The following DCAF7 variants were observed in gnomAD, a reference collection of about 807,000 sequenced individuals.
DCAF7 encodes DDB1 and CUL4 associated factor 7.
Under a neutral mutation model 41.2 loss-of-function variants are expected in DCAF7, and 4 were observed. That is an observed-to-expected ratio of 0.10 (90% CI 0.05 to 0.22). The LOEUF is 0.22. Ranked by LOEUF, DCAF7 falls within the 10% of genes least tolerant of loss-of-function variation. The pLI is 1.00. For synonymous variants in DCAF7, 143 were observed against 164.2 expected (o/e 0.87, Z 0.99); for missense variants, 131 against 443.2 (o/e 0.30, Z 6.32).
chr17:63,559,429 ATATG>A (rs2033355067), intron 1 of DCAF7, among the ~76,000 whole-genome samples: 2 of 107,238 alleles, frequency 1.9e-5, no homozygotes, highest in African/African-American at 1.1e-4. Flanking sequence ...ACGTATATAT[ATATG>A]TGTGTGTATA....
intron 1 of DCAF7, among the ~76,000 whole-genome samples, chr17:63,564,454 A>G (rs1300290145): frequency 6.6e-6 from 1 of 152,206 alleles, no homozygotes; most frequent in Non-Finnish European, 1.5e-5. Flanking sequence ...GAAACCTAGC[A>G]TCATTTTATT....
At chr17:63,566,633 G>A (rs756654102) in intron 1 of DCAF7, among the ~76,000 whole-genome samples, 26 of 152,180 alleles carry the variant, frequency 1.7e-4, no homozygotes, top group Non-Finnish European at 2.9e-4. Flanking sequence ...GCAAATTGCA[G>A]AATACAGCTG....
At chr17:63,559,221 G>A (rs767909503) in intron 1 of DCAF7, among the ~76,000 whole-genome samples, 108 of 150,156 alleles carry the variant, frequency 7.2e-4, no homozygotes, top group Non-Finnish European at 1.2e-3. Context: ...TGAGGCAGGA[G>A]AATCACTTGA....
At chr17:63,563,860 A>G (rs1308641745) in intron 1 of DCAF7, among the ~76,000 whole-genome samples, 1 of 151,980 alleles carries the variant, frequency 6.6e-6, no homozygotes, top group Non-Finnish European at 1.5e-5. Context: ...AAAAATAAGT[A>G]GCGGCAAGTA....
chr17:63,584,530 G>A (rs1265828676), intron 5 of DCAF7, among the ~76,000 whole-genome samples: 1 of 151,964 alleles, frequency 6.6e-6, no homozygotes, highest in African/African-American at 2.4e-5. Flanking sequence ...GGGAGGCCAA[G>A]GTGGGCGGAT....
At chr17:63,576,518 T>C (rs74340028) in intron 1 of DCAF7, among the ~76,000 whole-genome samples, 1,940 of 152,280 alleles carry the variant, frequency 0.013, 55 homozygotes, top group African/African-American at 0.043. Context: ...TAACTTGAAA[T>C]GACTCAGAGA....
intron 1 of DCAF7, chr17:63,573,314 G>A (rs1038300624): frequency 6.6e-6 from 1 of 152,152 alleles, no homozygotes; most frequent in African/African-American, 2.4e-5. Context: ...GTATAGTTCT[G>A]ATTTGAGTGT....
At chr17:63,575,784 A>G (rs1045008147) in intron 1 of DCAF7, among the ~76,000 whole-genome samples, 2 of 152,248 alleles carry the variant, frequency 1.3e-5, no homozygotes, top group Non-Finnish European at 2.9e-5. Flanking sequence ...TTCTCCCCAG[A>G]CTGCTCAATA....
intron 1 of DCAF7, among the ~76,000 whole-genome samples, chr17:63,563,864 G>A (rs879886835): frequency 6.6e-6 from 1 of 151,778 alleles, no homozygotes; most frequent in Non-Finnish European, 1.5e-5. Context: ...ATAAGTAGCG[G>A]CAAGTAAGAG....
At chr17:63,588,697 A>G (rs897397768) in intron 6 of DCAF7, among the ~76,000 whole-genome samples, 3 of 152,120 alleles carry the variant, frequency 2.0e-5, no homozygotes, top group Non-Finnish European at 4.4e-5. Flanking sequence ...CACTCCTGAT[A>G]CCTGACCCAG....
chr17:63,553,589 G>C (rs1001339365), intron 1 of DCAF7, among the ~76,000 whole-genome samples: 3 of 152,130 alleles, frequency 2.0e-5, no homozygotes, highest in Non-Finnish European at 2.9e-5. Context: ...TTAGACCATT[G>C]GTTCCTGCTT....
intron 4 of DCAF7, among the ~76,000 whole-genome samples, chr17:63,581,523 G>A (rs767286029): frequency 3.9e-5 from 6 of 152,206 alleles, no homozygotes; most frequent in Non-Finnish European, 7.3e-5. Flanking sequence ...AACAGAGAGA[G>A]GGGAGGAGAA....
chr17:63,574,512 A>G (rs935842473), intron 1 of DCAF7, among the ~76,000 whole-genome samples: 8 of 152,346 alleles, frequency 5.3e-5, no homozygotes, highest in South Asian at 2.1e-4. Flanking sequence ...AGAGTTAAAC[A>G]TGGATGACAA....
chr17:63,588,334 T>C (rs1394915372), intron 6 of DCAF7, among the ~76,000 whole-genome samples: 1 of 151,174 alleles, frequency 6.6e-6, no homozygotes, highest in Non-Finnish European at 1.5e-5. Context: ...ATTACAGGTG[T>C]GTGCCACCAC....
At chr17:63,570,701 G>A (rs1237256642) in intron 1 of DCAF7, among the ~76,000 whole-genome samples, 1 of 152,128 alleles carries the variant, frequency 6.6e-6, no homozygotes. Flanking sequence ...TATATATTGA[G>A]GCATTGTTTT....
In DCAF7 at chr17:63,583,844, T is replaced by TA. The variant is rs1043968084; in HGVS notation, c.738+133_738+134insA. The TA allele has an allele frequency of 3.0e-4, 270 of 890,892 alleles. 1 individual carries two copies. In the African/African-American group the frequency reaches 4.1e-3, roughly 13 times the overall value. The allele number at this position is 890,892 out of a possible 1,614,324, so 55.2% of individuals were successfully genotyped here. On this transcript the variant is annotated intron_variant, in intron 5 of 6. Transcript: ENST00000614556. ...TGGGAATGTCTGGAGGCATTTTTGA[T>TA]TGTCACAGCTCTAGAGACGCAGTTG...
intron 1 of DCAF7, among the ~76,000 whole-genome samples, chr17:63,568,109 C>T (rs1437484149): frequency 6.6e-6 from 1 of 152,092 alleles, no homozygotes; most frequent in African/African-American, 2.4e-5. Context: ...TAACCTCCAC[C>T]TCCTGGGTTC....
At chr17:63,571,335 G>C (rs1264022044) in intron 1 of DCAF7, among the ~76,000 whole-genome samples, 1 of 152,102 alleles carries the variant, frequency 6.6e-6, no homozygotes, top group Non-Finnish European at 1.5e-5. Flanking sequence ...GCAATTACTG[G>C]TATAGAGGGA....
chr17:63,573,458 C>T (rs2033528807), intron 1 of DCAF7: 1 of 152,108 alleles, frequency 6.6e-6, no homozygotes, highest in Non-Finnish European at 1.5e-5. Context: ...GGCGTGGTGG[C>T]TTATGCCTGT....
Sources: gnomAD v4.1 joint callset for allele counts (sites outside exome capture counted in the v4.1 genomes callset) on GRCh38, gnomAD v4.1.1 for gene constraint, MANE v1.5 for transcripts, NCBI Gene and HGNC (gene_info 2026-07-23, HGNC 2026-07-21) for gene names.